The following WDR87 variants were observed in gnomAD, a reference collection of about 807,000 sequenced individuals.
WDR87 encodes WD repeat-containing protein 87.
In WDR87, 56 loss-of-function variants were observed where a neutral mutation model predicts 83.3. The ratio of observed to expected loss-of-function variants is 0.67; its 90% CI spans 0.54 to 0.84. The LOEUF (loss-of-function observed/expected upper bound fraction) is 0.84. Ranked by LOEUF, WDR87 falls within the 40% of genes least tolerant of loss-of-function variation. The probability of loss-of-function intolerance (pLI) is 0.00; values close to 1 mark genes in which losing one functional copy is unlikely to be tolerated. For synonymous variants in WDR87, 1,173 were observed against 1,250.6 expected (o/e 0.94, Z 1.31); for missense variants, 2,939 against 3,431.9 (o/e 0.86, Z 3.59).
chr19:37,897,461 C>T (rs894305299), intron 2 of WDR87, among the ~76,000 whole-genome samples: 5 of 151,902 alleles, frequency 3.3e-5, no homozygotes, highest in Admixed American at 1.3e-4. Context: ...CTGCCTACCT[C>T]GCCCTGGCAA....
chr19:37,896,560 C>T (rs2046257658), intron 2 of WDR87, among the ~76,000 whole-genome samples: 1 of 152,132 alleles, frequency 6.6e-6, no homozygotes, highest in South Asian at 2.1e-4. Context: ...AGTGTGAACA[C>T]AGGGAAAAAT....
At chr19:37,895,934 C>T in intron 3 of WDR87, 1 of 670,366 alleles carries the variant, frequency 1.5e-6, no homozygotes, top group Admixed American at 3.1e-5. Context: ...TCCTAGGACC[C>T]TTTTCCTAAC....
chr19:37,893,083 T>C lies in WDR87; in HGVS notation c.2620A>G (p.Thr874Ala). The change falls in exon 4 of 6, where the codon ACA (threonine) becomes GCA (alanine). Residue 874 changes from threonine (T) to alanine (A), a missense_variant. This residue lies in a region of WDR87 where 2,160 missense variants were observed against 2,533.1 expected (regional missense o/e 0.85). Transcript: ENST00000447313. The part of the protein sequence containing the change: ...WHSRVRAISN[T>A]EYPKNKEEDE... ...TCCTCCTTATTCTTTGGATATTCTG[T>C]ATTACTTATAGCTCTTACCCTGCTG... is the stretch of plus-strand genomic sequence containing the variant. 2 of 1,551,802 alleles carry C rather than the reference T, an allele frequency of 1.3e-6. No individual in the cohort carries two copies. The highest frequency in any genetic ancestry group is 1.7e-6 in the Non-Finnish European group (2 of 1,147,020).
Position 37,887,865 on chromosome 19 carries a change from G to A in WDR87, c.5806C>T (p.Gln1936Ter), listed in dbSNP as rs2046164450. ...TTCTTGATCACAGTCTCCTTTTCCTGTGTCAGCTTCTCCTCTACCTGAGCC... is the reference window on the plus strand; with the variant it reads ...TTCTTGATCACAGTCTCCTTTTCCTATGTCAGCTTCTCCTCTACCTGAGCC... Reference protein sequence around the residue: ...ILAQVEEKLTQEKETVIKKKE... With the variant: ...ILAQVEEKLT The change falls in exon 6 of 6, where the codon CAG becomes TAG. Residue 1936 changes from glutamine to a stop codon, truncating the protein, a stop_gained. Coordinates refer to ENST00000447313, the MANE Select transcript of WDR87 (RefSeq NM_001291088.2). LOFTEE classifies it low-confidence loss of function (END_TRUNC). The A allele has an allele frequency of 1.9e-6, 3 of 1,551,076 alleles. No homozygotes were observed. Among genetic ancestry groups the A allele is most frequent in the African/African-American group, 2.7e-5 (2 of 72,922 alleles).
rs1568450572 is a variant in WDR87, at chr19:37,889,433, AT to A, written c.4237del (p.Ile1413PhefsTer3). 10 of 1,551,848 alleles carry A rather than the reference AT, an allele frequency of 6.4e-6. No individual in the cohort carries two copies. Among genetic ancestry groups the A allele is most frequent in the Non-Finnish European group, 7.8e-6 (9 of 1,147,040 alleles). ...QVILKKGKKVIFLEPGNVTMG... is the reference protein window; with the variant it reads ...QVILKKGKKVXFLEPGNVTMG... ...GGTTACATTACCTGGTTCTAAAAAA[AT>A]AACTTTCTTGCCCTTTTTCAAAATC... is the stretch of plus-strand genomic sequence containing the variant. On this transcript the variant is annotated frameshift_variant, in exon 6 of 6. Coordinates refer to ENST00000447313, the MANE Select transcript of WDR87 (RefSeq NM_001291088.2). LOFTEE classifies it low-confidence loss of function (END_TRUNC).
chr19:37,891,484 C>A, intron 5 of WDR87, 68 bp downstream of exon 5: 1 of 1,511,278 alleles, frequency 6.6e-7, no homozygotes, highest in South Asian at 1.3e-5. Flanking sequence ...ATCTCTTGAT[C>A]CACTTTAACC....
At chr19:37,890,602 G>A (rs1237688673) in intron 5 of WDR87, among the ~76,000 whole-genome samples, 5 of 151,910 alleles carry the variant, frequency 3.3e-5, no homozygotes, top group Non-Finnish European at 7.4e-5. Context: ...ACAGTTTGAT[G>A]AGTTTGAAAA....
chr19:37,893,354 T>C lies in WDR87; in HGVS notation c.2349A>G (p.Gln783=). ...GCTGGGGAGGAAGCACATAATGGCA[T>C]TGGTAACGTTTGCTCACCTGCATCC... ...EDWMQVSKRY[Q]CHYVLPPQLQ... The change falls in exon 4 of 6, where the codon CAA becomes CAG. Residue 783 remains glutamine, a synonymous_variant. Transcript: ENST00000447313. 3 of 1,551,902 alleles carry C rather than the reference T, an allele frequency of 1.9e-6. No homozygotes were observed. Among genetic ancestry groups the C allele is most frequent in the East Asian group, 2.4e-5 (1 of 40,920 alleles).
At chr19:37,895,537 G>A in intron 3 of WDR87, 81 bp from the exon 4 acceptor site, 1 of 1,330,596 alleles carries the variant, frequency 7.5e-7, no homozygotes, top group Non-Finnish European at 1.0e-6. Flanking sequence ...GGAGGCCGAG[G>A]CGGGTGGATC....
At chr19:37,905,531 T>C (rs182866464) in intron 1 of WDR87, among the ~76,000 whole-genome samples, 64 of 151,788 alleles carry the variant, frequency 4.2e-4, no homozygotes, top group Admixed American at 3.5e-3. Flanking sequence ...CATATGTGGC[T>C]TGCATTACAC....
At chr19:37,898,764 C>G (rs1377998311) in intron 1 of WDR87, among the ~76,000 whole-genome samples, 1 of 152,188 alleles carries the variant, frequency 6.6e-6, no homozygotes, top group Non-Finnish European at 1.5e-5. Flanking sequence ...TGGCCTAGTT[C>G]TCAGACAGGT....
Position 37,887,353 on chromosome 19 carries a change from G to C in WDR87, c.6318C>G (p.Ser2106=). Reference sequence around the variant, plus strand: ...TTTTGTTCAGTTTTGCTGGTTCCTTGGAAAGGCTCTCCCTTTTTTTAATCA... The same window carrying C: ...TTTTGTTCAGTTTTGCTGGTTCCTTCGAAAGGCTCTCCCTTTTTTTAATCA... ...RKLIKKRESL[S]KEPAKLNKIL... Residue 2106 remains serine (S), a synonymous_variant, in exon 6 of 6, where the codon TCC becomes TCG. Coordinates refer to ENST00000447313, the MANE Select transcript of WDR87 (RefSeq NM_001291088.2). 1 of 1,551,558 alleles carries C rather than the reference G, an allele frequency of 6.4e-7. No homozygotes were observed. The highest frequency in any genetic ancestry group is 8.7e-7 in the Non-Finnish European group (1 of 1,146,950).
At chr19:37,905,231 CAAAAAA>C (rs556366437) in intron 1 of WDR87, among the ~76,000 whole-genome samples, 2 of 64,020 alleles carry the variant, frequency 3.1e-5, no homozygotes, top group Non-Finnish European at 3.4e-5. Flanking sequence ...ACTCCGTCTC[CAAAAAA>C]AAAAAAAAAA....
chr19:37,887,306 A>G lies in WDR87; in HGVS notation c.6365T>C (p.Leu2122Pro). The G allele has an allele frequency of 6.4e-7, 1 of 1,551,036 alleles. No individual in the cohort carries two copies. The highest frequency in any genetic ancestry group is 8.7e-7 in the Non-Finnish European group (1 of 1,146,854). The change falls in exon 6 of 6, where the codon CTA becomes CCA. Residue 2122 changes from leucine to proline, a missense_variant. Transcript: ENST00000447313. ...LNKILKALQK[L>P]TRDERKLTQE... is the part of the protein sequence containing the mutation. Reference sequence around the variant, plus strand: ...TGTTAGTTTCCTTTCATCCCTGGTTAGTTTTTGAAGTGCCTTTAAGATTTT... The same window carrying G: ...TGTTAGTTTCCTTTCATCCCTGGTTGGTTTTTGAAGTGCCTTTAAGATTTT...
chr19:37,894,617 G>A lies in WDR87; in HGVS notation c.1086C>T (p.Gly362=), dbSNP rs2046237622. Residue 362 remains glycine (G), a synonymous_variant, in exon 4 of 6, where the codon GGC becomes GGT. Transcript: ENST00000447313. ...PCFYSLFNVC[G]SAPQQLRRVC... is the part of the protein sequence containing the mutation. ...CCCGACGCAACTGCTGGGGAGCAGA[G>A]CCACAGACATTGAAGAGGCTGTAGA... The A allele has an allele frequency of 1.3e-6, 2 of 1,551,620 alleles. No homozygotes were observed. The highest frequency in any genetic ancestry group is 2.0e-5 in the Admixed American group (1 of 50,984).
intron 2 of WDR87, 48 bp downstream of exon 2, chr19:37,898,117 C>A (rs146350896): frequency 6.5e-7 from 1 of 1,546,492 alleles, no homozygotes; most frequent in East Asian, 2.4e-5. Context: ...GACTGTAAGA[C>A]AGGTAGCAGC....
intron 2 of WDR87, 69 bp from the exon 3 acceptor site, chr19:37,896,377 C>G: frequency 6.7e-7 from 1 of 1,502,258 alleles, no homozygotes; most frequent in Non-Finnish European, 9.0e-7. Context: ...TCGCACAAGT[C>G]ACAGTTGGAG....
chr19:37,886,884 CTTCACT>C lies in WDR87; in HGVS notation c.6781_6786del (p.Ser2261_Glu2262del). On this transcript the variant is annotated inframe_deletion, in exon 6 of 6. Transcript: ENST00000447313. ...CTTTCCATTTCTTCAGAAAAATGCTCTTCACTTTCCACTTCATCCACTTGACTGGAA... is the reference window on the plus strand; with the variant it reads ...CTTTCCATTTCTTCAGAAAAATGCTCTTCCACTTCATCCACTTGACTGGAA... 9 of 1,551,568 alleles carry C rather than the reference CTTCACT, an allele frequency of 5.8e-6. No homozygotes were observed. Among genetic ancestry groups the C allele is most frequent in the Non-Finnish European group, 7.8e-6 (9 of 1,146,962 alleles).
chr19:37,896,058 C>T (rs950099761), intron 3 of WDR87, 80 bp downstream of exon 3: 110 of 1,501,526 alleles, frequency 7.3e-5, no homozygotes, highest in Non-Finnish European at 9.8e-5. Context: ...GGAATATCCT[C>T]CTTTGTCAAT....
Sources: allele counts gnomAD v4.1 joint callset (sites outside exome capture counted in the v4.1 genomes callset), GRCh38; gene constraint gnomAD v4.1.1; regional missense constraint gnomAD v4.1.1; transcripts MANE v1.5; gene names NCBI Gene and HGNC (gene_info 2026-07-23, HGNC 2026-07-21).